NALF1: variants seen among roughly 807,000 people sequenced by gnomAD.
NALF1 encodes the protein NALCN channel auxiliary factor 1, also known as family with sequence similarity 155 member A.
In NALF1, 3 loss-of-function variants were observed where a neutral mutation model predicts 48.4. The observed-to-expected ratio is 0.06, with a 90% CI of 0.03 to 0.16. The LOEUF is 0.16. Ranked by LOEUF, NALF1 falls within the 10% of genes least tolerant of loss-of-function variation. The pLI, the probability that NALF1 is intolerant of heterozygous loss-of-function variation, is 1.00. For synonymous variants in NALF1, 262 were observed against 245.7 expected (o/e 1.07, Z -0.62); for missense variants, 526 against 571.5 (o/e 0.92, Z 0.81).
At chr13:107,442,408 C>A (rs1225949194) in intron 1 of NALF1, among the ~76,000 whole-genome samples, 2 of 152,198 alleles carry the variant, frequency 1.3e-5, no homozygotes, top group Non-Finnish European at 2.9e-5. Flanking sequence ...TGCCAATTCA[C>A]TTGGCTCTCT....
intron 1 of NALF1, among the ~76,000 whole-genome samples, chr13:107,309,035 A>G (rs778112049): frequency 3.3e-5 from 5 of 152,292 alleles, no homozygotes; most frequent in Admixed American, 2.0e-4. Flanking sequence ...TTGTTTATCT[A>G]TCTCCTACAA....
intron 1 of NALF1, among the ~76,000 whole-genome samples, chr13:107,251,276 T>A (rs998969343): frequency 1.3e-5 from 2 of 152,174 alleles, no homozygotes; most frequent in African/African-American, 4.8e-5. Flanking sequence ...TTCCCCCTCA[T>A]TATTAGATGG....
At chr13:107,791,272 G>A (rs1002247481) in intron 1 of NALF1, among the ~76,000 whole-genome samples, 31 of 152,146 alleles carry the variant, frequency 2.0e-4, no homozygotes, top group South Asian at 1.2e-3. Flanking sequence ...TGCTGTTAAT[G>A]GAAACAGCAA....
At chr13:107,797,410 C>A (rs561957186) in intron 1 of NALF1, among the ~76,000 whole-genome samples, 3 of 152,078 alleles carry the variant, frequency 2.0e-5, no homozygotes, top group Non-Finnish European at 2.9e-5. Flanking sequence ...GGGGTTTCAC[C>A]GTGTTGGCCA....
intron 1 of NALF1, among the ~76,000 whole-genome samples, chr13:107,374,679 G>T (rs938695741): frequency 3.3e-5 from 5 of 152,120 alleles, no homozygotes; most frequent in African/African-American, 1.2e-4. Context: ...CAACAGTGTT[G>T]GGAGGCGGGT....
chr13:107,462,680 T>C (rs1157351223), intron 1 of NALF1, among the ~76,000 whole-genome samples: 1 of 152,170 alleles, frequency 6.6e-6, no homozygotes, highest in Admixed American at 6.5e-5. Context: ...GCACTATGTC[T>C]ACTCAGCTAG....
At chr13:107,506,930 T>C (rs1348756674) in intron 1 of NALF1, among the ~76,000 whole-genome samples, 1 of 152,018 alleles carries the variant, frequency 6.6e-6, no homozygotes, top group Admixed American at 6.6e-5. Flanking sequence ...ATAGTAACTT[T>C]TTAAAGAAAC....
At chr13:107,203,467 G>A (rs1879565077) in intron 2 of NALF1, among the ~76,000 whole-genome samples, 1 of 152,198 alleles carries the variant, frequency 6.6e-6, no homozygotes, top group African/African-American at 2.4e-5. Context: ...TCTGGCTTGA[G>A]CAAAGGGTGA....
chr13:107,266,173 C>A (rs9514644), intron 1 of NALF1, among the ~76,000 whole-genome samples: 40,995 of 152,080 alleles, frequency 0.27, 6,274 homozygotes, highest in East Asian at 0.52. Flanking sequence ...CTCCTTCTTT[C>A]CATTCAGATA....
rs1004218806 is a variant in NALF1, at chr13:107,867,195, C to T, written c.-599G>A. ...TTCCTTTCCTTCTCCTTCTTCTTCTCCTCCGCCTCCCGCTCCTGCTCCGCG... is the reference window on the plus strand; with the variant it reads ...TTCCTTTCCTTCTCCTTCTTCTTCTTCTCCGCCTCCCGCTCCTGCTCCGCG... On this transcript the variant is annotated 5_prime_UTR_variant, in exon 1 of 3. Coordinates refer to ENST00000375915, the MANE Select transcript of NALF1 (RefSeq NM_001080396.3). The surrounding 1 kb of genome is among the most constrained non-coding windows in gnomAD (Gnocchi z 4.4). 6.6e-6 allele frequency among the ~76,000 whole-genome samples: 1 copy of T among 151,784 alleles called. No homozygotes were observed. Among genetic ancestry groups the T allele is most frequent in the Non-Finnish European group, 1.5e-5 (1 of 67,886 alleles).
At position 107,594,470 on chromosome 13, in the gene NALF1, C is replaced by A. The variant is rs543513632; in HGVS notation, c.915+271212G>T. ...CTCTTTTGTCTCTTTCCCCCAATCC[C>A]CTGTGTCCCTGTGTGCAGGTTCGCA... On this transcript the variant is annotated intron_variant, in intron 1 of 2. Coordinates refer to ENST00000375915, the MANE Select transcript of NALF1 (RefSeq NM_001080396.3). Among the ~76,000 whole-genome samples, 3 of 151,984 alleles carry A rather than the reference C, an allele frequency of 2.0e-5. No homozygotes were observed. The East Asian group carries it at 5.8e-4, about 29-fold the overall frequency.
chr13:107,603,272 G>T (rs778681100), intron 1 of NALF1, among the ~76,000 whole-genome samples: 10 of 152,094 alleles, frequency 6.6e-5, no homozygotes, highest in Non-Finnish European at 1.0e-4. Context: ...TTGGACTCAT[G>T]ACTCCATTTG....
chr13:107,533,815 G>A (rs1169058934), intron 1 of NALF1, among the ~76,000 whole-genome samples: 1 of 152,078 alleles, frequency 6.6e-6, no homozygotes, highest in Non-Finnish European at 1.5e-5. Flanking sequence ...TTCCGTTAAG[G>A]TCTCAGGAAA....
At chr13:107,675,550 T>C (rs1881097538) in intron 1 of NALF1, among the ~76,000 whole-genome samples, 1 of 152,228 alleles carries the variant, frequency 6.6e-6, no homozygotes, top group Non-Finnish European at 1.5e-5. Flanking sequence ...TTCAATCATA[T>C]TGAAGTCCTC....
chr13:107,612,627 T>C (rs1040110436), intron 1 of NALF1, among the ~76,000 whole-genome samples: 10 of 152,078 alleles, frequency 6.6e-5, no homozygotes, highest in Admixed American at 5.2e-4. Flanking sequence ...GAGCTCCTCC[T>C]CCCTGAATGA....
In NALF1 at chr13:107,200,245, G is replaced by A. The variant is rs147075371; in HGVS notation, c.1087+10339C>T. 2.0e-5 allele frequency among the ~76,000 whole-genome samples: 3 copies of A among 152,310 alleles called. No homozygotes were observed. In the East Asian group the frequency reaches 5.8e-4, roughly 29 times the overall value. ...GGAGGACCTCCTCCTGGGAGCCACA[G>A]TTACTTCAGGATTAGCCAGAGGAAG... On this transcript the variant is annotated intron_variant, in intron 2 of 2. Coordinates refer to ENST00000375915, the MANE Select transcript of NALF1 (RefSeq NM_001080396.3).
At chr13:107,625,048 T>C (rs968597833) in intron 1 of NALF1, among the ~76,000 whole-genome samples, 31 of 152,158 alleles carry the variant, frequency 2.0e-4, no homozygotes, top group African/African-American at 6.3e-4. Flanking sequence ...ATTCCAACTG[T>C]CTACTGTGGC....
At chr13:107,561,102 A>C (rs1304032646) in intron 1 of NALF1, among the ~76,000 whole-genome samples, 2 of 152,196 alleles carry the variant, frequency 1.3e-5, no homozygotes, top group African/African-American at 4.8e-5. Flanking sequence ...CTAAGGTCTT[A>C]TTTCCCAAGA....
At chr13:107,444,838 C>A (rs17380593) in intron 1 of NALF1, among the ~76,000 whole-genome samples, 18,944 of 152,166 alleles carry the variant, frequency 0.12, 1,335 homozygotes, top group Middle Eastern at 0.18. Flanking sequence ...AATTATCCTG[C>A]AGCTACTTTT....
Sources: allele counts gnomAD v4.1 joint callset (sites outside exome capture counted in the v4.1 genomes callset), GRCh38; gene constraint gnomAD v4.1.1; non-coding constraint Gnocchi (gnomAD v3.1); transcripts MANE v1.5; gene names NCBI Gene and HGNC (gene_info 2026-07-23, HGNC 2026-07-21).